The following SIPA1L3 variants were observed in gnomAD, a reference collection of about 807,000 sequenced individuals.
The protein encoded by SIPA1L3 is signal induced proliferation associated 1 like 3.
In SIPA1L3, 59 loss-of-function variants were observed where a neutral mutation model predicts 150.1. The observed-to-expected ratio is 0.39, with a 90% CI of 0.32 to 0.49. The LOEUF (loss-of-function observed/expected upper bound fraction) is 0.49. SIPA1L3 is among the 20% of genes least tolerant of loss of function. The pLI is 0.86. For missense variants in SIPA1L3, 2,211 were observed against 2,489.5 expected, an observed-to-expected ratio of 0.89 and a Z score of 2.38; for synonymous variants, 1,070 against 1,077.6, an observed-to-expected ratio of 0.99 and a Z score of 0.14.
At chr19:38,171,644 T>A (rs1403778958) in intron 15 of SIPA1L3, among the ~76,000 whole-genome samples, 1 of 151,812 alleles carries the variant, frequency 6.6e-6, no homozygotes, top group Non-Finnish European at 1.5e-5. Context: ...CCACCCACCT[T>A]GGCCTCCCAA....
rs528610065 is a variant in SIPA1L3 at position 38,074,581 on chromosome 19, G to A, written c.-310-6675G>A. 5.3e-5 allele frequency among the ~76,000 whole-genome samples: 8 copies of A among 152,372 alleles called. No individual in the cohort carries two copies. The South Asian group carries it at 1.7e-3, about 32-fold the overall frequency. Reference sequence around the variant, plus strand: ...CCAGCACAGCGGACTGTGGGGCAGGGTTCAGGCTCTCAAGCAAACAGTCTT... The same window carrying A: ...CCAGCACAGCGGACTGTGGGGCAGGATTCAGGCTCTCAAGCAAACAGTCTT... On this transcript the variant is annotated intron_variant, in intron 2 of 21. Coordinates refer to ENST00000222345, the MANE Select transcript of SIPA1L3 (RefSeq NM_015073.3).
Position 38,119,736 on chromosome 19 carries a change from G to A in SIPA1L3, c.2722G>A (p.Val908Met). Residue 908 changes from valine (V) to methionine (M), a missense_variant, in exon 9 of 22, where the codon GTG becomes ATG. Physicochemically the swap from Val to Met is conservative, Grantham distance 21. Around this residue, in one of 5 missense-constraint regions of SIPA1L3, gnomAD observed 625 missense variants for 804.2 expected, o/e 0.78. Transcript: ENST00000222345. Reference protein sequence around the residue: ...VLLDLRTKEVVFNCYCGDVIG... With the variant: ...VLLDLRTKEVMFNCYCGDVIG... ...CCTGGACTTACGCACCAAGGAGGTGGTGTTCAACTGCTACTGCGGGGATGT... is the reference window on the plus strand; with the variant it reads ...CCTGGACTTACGCACCAAGGAGGTGATGTTCAACTGCTACTGCGGGGATGT... 1 of 1,614,126 alleles carries A rather than the reference G, an allele frequency of 6.2e-7. No individual in the cohort carries two copies. Among genetic ancestry groups the A allele is most frequent in the Non-Finnish European group, 8.5e-7 (1 of 1,180,028 alleles).
intron 13 of SIPA1L3, among the ~76,000 whole-genome samples, chr19:38,155,119 A>G (rs1415914372): frequency 6.6e-6 from 1 of 152,218 alleles, no homozygotes; most frequent in Non-Finnish European, 1.5e-5. Flanking sequence ...AAAGCATCTT[A>G]TACTCTGTCT....
intron 1 of SIPA1L3, among the ~76,000 whole-genome samples, chr19:38,026,065 A>G (rs946192798): frequency 3.9e-5 from 6 of 152,220 alleles, no homozygotes; most frequent in Admixed American, 3.9e-4. Flanking sequence ...ATAGAAATTC[A>G]GGTCAAAAGG....
At position 38,182,722 on chromosome 19, in the gene SIPA1L3, C is replaced by T. The variant is rs746291890; in HGVS notation, c.4412C>T (p.Pro1471Leu). The change falls in exon 16 of 22, where the codon CCC becomes CTC. Residue 1471 changes from proline to leucine, a missense_variant. By Grantham distance (98) the Pro-to-Leu change is moderately conservative. Transcript: ENST00000222345. Reference sequence around the variant, plus strand: ...GAGGAGCCCCCACCACGGCCACTCCCCTTCAGTGACCCAAAGAAGTAAGTG... The same window carrying T: ...GAGGAGCCCCCACCACGGCCACTCCTCTTCAGTGACCCAAAGAAGTAAGTG... ...RTEEPPPRPLPFSDPKKQVDT... is the reference protein window; with the variant it reads ...RTEEPPPRPLLFSDPKKQVDT... 6.2e-7 allele frequency: 1 copy of T among 1,612,560 alleles called. No individual in the cohort carries two copies. The highest frequency in any genetic ancestry group is 1.7e-5 in the Admixed American group (1 of 59,704).
chr19:37,993,732 A>G (rs377469182), intron 1 of SIPA1L3, among the ~76,000 whole-genome samples: 2 of 152,166 alleles, frequency 1.3e-5, no homozygotes, highest in East Asian at 1.9e-4. Context: ...AGGAGGGGCC[A>G]GGAGCGTGTC....
chr19:38,157,789 T>C (rs1464237818), intron 13 of SIPA1L3, among the ~76,000 whole-genome samples: 1 of 152,140 alleles, frequency 6.6e-6, no homozygotes. Context: ...CACCTGTGCA[T>C]GCATTCAACT....
At position 38,193,721 on chromosome 19, in the gene SIPA1L3, ACCCGCCCGTCGGCCCCGGTGCCAC is replaced by A; in HGVS notation, c.4785_4808del (p.Pro1596_Pro1603del). On this transcript the variant is annotated inframe_deletion, in exon 18 of 22. Coordinates refer to ENST00000222345, the MANE Select transcript of SIPA1L3 (RefSeq NM_015073.3). The stretch of plus-strand genomic sequence containing the variant: ...GCACGCCGCCAGCACCAGCACCCCC[ACCCGCCCGTCGGCCCCGGTGCCAC>A]CCCTGCCGCCGGCAGCGGCTTTCCC... 1 of 1,562,934 alleles carries A rather than the reference ACCCGCCCGTCGGCCCCGGTGCCAC, an allele frequency of 6.4e-7. No homozygotes were observed. Among genetic ancestry groups the A allele is most frequent in the Non-Finnish European group, 8.6e-7 (1 of 1,163,416 alleles).
chr19:38,142,471 G>C (rs1421560762), intron 11 of SIPA1L3, 102 bp from the exon 12 acceptor site: 26 of 1,345,274 alleles, frequency 1.9e-5, no homozygotes, highest in African/African-American at 1.5e-5. Context: ...TGGTCTGTCT[G>C]TCTGTCCGTC....
intron 4 of SIPA1L3, among the ~76,000 whole-genome samples, chr19:38,093,615 CT>C (rs2145845738): frequency 6.6e-6 from 1 of 152,306 alleles, no homozygotes; most frequent in South Asian, 2.1e-4. Flanking sequence ...GGGTTCTGTC[CT>C]TCTCATATCC....
At chr19:37,930,698 T>C (rs937478386) in intron 1 of SIPA1L3, among the ~76,000 whole-genome samples, 6 of 152,102 alleles carry the variant, frequency 3.9e-5, no homozygotes, top group Non-Finnish European at 7.4e-5. Flanking sequence ...CCTGTTTTAC[T>C]TTGGGCAAGC....
At chr19:37,922,087 A>T (rs966887170) in intron 1 of SIPA1L3, among the ~76,000 whole-genome samples, 2 of 151,640 alleles carry the variant, frequency 1.3e-5, no homozygotes, top group African/African-American at 2.4e-5. Context: ...GGCGTGTCTG[A>T]TTTTTTTTAT....
At chr19:38,049,767 C>T (rs1219077377) in intron 2 of SIPA1L3, among the ~76,000 whole-genome samples, 4 of 151,974 alleles carry the variant, frequency 2.6e-5, no homozygotes, top group Non-Finnish European at 5.9e-5. Flanking sequence ...CTGCTCTGAC[C>T]CGCGTTCCCC....
intron 1 of SIPA1L3, among the ~76,000 whole-genome samples, chr19:37,944,277 CAAAA>C (rs911462304): frequency 9.9e-6 from 1 of 100,710 alleles, no homozygotes; most frequent in Admixed American, 1.0e-4. Context: ...GACTCCGTCT[CAAAA>C]AAAAAAAAAA....
At chr19:38,155,789 A>G (rs1179299755) in intron 13 of SIPA1L3, among the ~76,000 whole-genome samples, 4 of 152,164 alleles carry the variant, frequency 2.6e-5, no homozygotes, top group African/African-American at 9.7e-5. Flanking sequence ...ATCTCAGCCC[A>G]TGGTTCTCTT....
At position 38,081,126 on chromosome 19, in the gene SIPA1L3, A is replaced by G; in HGVS notation, c.-310-130A>G. 7.6e-6 allele frequency: 3 copies of G among 396,382 alleles called. No individual in the cohort carries two copies. The Admixed American group carries it at 1.3e-4, about 17-fold the overall frequency. The allele number at this position is 396,382 out of a possible 1,614,324, so 24.6% of individuals were successfully genotyped here. ...CTCAGTCTCCTCTCTGCTTTTGAGT[A>G]TGTTTGCAAATTTCCATAATAAAAA... On this transcript the variant is annotated intron_variant, in intron 2 of 21. Coordinates refer to ENST00000222345, the MANE Select transcript of SIPA1L3 (RefSeq NM_015073.3).
In SIPA1L3 at chr19:38,201,902, C is replaced by G; in HGVS notation, c.5025C>G (p.Ala1675=). 1 of 1,613,942 alleles carries G rather than the reference C, an allele frequency of 6.2e-7. No individual in the cohort carries two copies. Among genetic ancestry groups the G allele is most frequent in the Non-Finnish European group, 8.5e-7 (1 of 1,179,936 alleles). The change falls in exon 20 of 22, where the codon GCC becomes GCG. Residue 1675 remains alanine, a synonymous_variant. Transcript: ENST00000222345. ...CACTCTTCTCTCTGAACGACCCGGCCCTGAGCCCGGACATCCCGCCTGCAC... is the reference window on the plus strand; with the variant it reads ...CACTCTTCTCTCTGAACGACCCGGCGCTGAGCCCGGACATCCCGCCTGCAC... ...AVSLFSLNDP[A]LSPDIPPAHS...
At chr19:37,933,640 G>A (rs1270316033) in intron 1 of SIPA1L3, among the ~76,000 whole-genome samples, 2 of 152,184 alleles carry the variant, frequency 1.3e-5, no homozygotes, top group African/African-American at 4.8e-5. Flanking sequence ...GAGGGTGTCA[G>A]CTTTTCCAGG....
At chr19:38,104,721 GC>G (rs1332937012) in intron 6 of SIPA1L3, among the ~76,000 whole-genome samples, 1 of 152,046 alleles carries the variant, frequency 6.6e-6, no homozygotes, top group Non-Finnish European at 1.5e-5. Context: ...ACAAGCACGT[GC>G]CACCAGACCC....
Sources: gnomAD v4.1 joint callset for allele counts (sites outside exome capture counted in the v4.1 genomes callset) on GRCh38, gnomAD v4.1.1 for gene constraint, gnomAD v4.1.1 regional missense constraint, MANE v1.5 for transcripts, NCBI Gene and HGNC (gene_info 2026-07-23, HGNC 2026-07-21) for gene names.